XKR9: variants seen among roughly 807,000 people sequenced by gnomAD.
XKR9 encodes the protein XK-related protein 9.
In XKR9, 32 loss-of-function variants were observed where a neutral mutation model predicts 32.0. The observed-to-expected ratio is 1.00, with a 90% CI of 0.76 to 1.34. The LOEUF is 1.34. Ranked by LOEUF, XKR9 falls within the 40% of genes most tolerant of loss-of-function variation. The pLI is 0.00. For synonymous variants in XKR9, 168 were observed against 143.4 expected, an observed-to-expected ratio of 1.17 and a Z score of -1.22; for missense variants, 546 against 429.7, an observed-to-expected ratio of 1.27 and a Z score of -2.39.
At chr8:70,740,506 G>C (rs1362602459), downstream of XKR9, among the ~76,000 whole-genome samples, 1 of 152,148 alleles carries the variant, frequency 6.6e-6, no homozygotes, top group Admixed American at 6.5e-5. Context: ...TTCTGTTGCT[G>C]GTGAGGAACT....
the XKR9 span, among the ~76,000 whole-genome samples, chr8:70,806,677 G>A: frequency 1.7e-4 from 26 of 152,082 alleles, no homozygotes; most frequent in Admixed American, 7.2e-4. Context: ...AGAGTTTGAA[G>A]ACCACCTTGC....
At chr8:70,853,181 T>A in the XKR9 span, among the ~76,000 whole-genome samples, 1 of 152,070 alleles carries the variant, frequency 6.6e-6, no homozygotes, top group South Asian at 2.1e-4. Context: ...CACTTATTTG[T>A]GGGATCTAAA....
the XKR9 span, among the ~76,000 whole-genome samples, chr8:70,888,101 A>G: frequency 6.6e-6 from 1 of 151,952 alleles, no homozygotes; most frequent in Non-Finnish European, 1.5e-5. Flanking sequence ...CTCTTTTTTA[A>G]TATACAATAA....
At chr8:70,767,015 A>G (rs2130222512) in intron 2 of XKR9, among the ~76,000 whole-genome samples, 1 of 152,152 alleles carries the variant, frequency 6.6e-6, no homozygotes, top group South Asian at 2.1e-4. Context: ...TTTATTGAGG[A>G]TTTTTCACAT....
the XKR9 span, among the ~76,000 whole-genome samples, chr8:70,871,703 G>A: frequency 7.9e-5 from 12 of 152,066 alleles, no homozygotes; most frequent in East Asian, 2.3e-3. Context: ...TTGAAATTAG[G>A]CCACTTAATA....
the XKR9 span, among the ~76,000 whole-genome samples, chr8:71,050,270 G>GATATAGATATAGATATATATATAGAT: frequency 8.1e-6 from 1 of 123,710 alleles, no homozygotes; most frequent in African/African-American, 3.1e-5. Flanking sequence ...TAGATAGATA[G>GATATAGATATAGATATATATATAGAT]ATAGATATAG....
the XKR9 span, among the ~76,000 whole-genome samples, chr8:70,957,510 A>G: frequency 7.4e-4 from 112 of 152,222 alleles, no homozygotes; most frequent in Middle Eastern, 3.4e-3. Flanking sequence ...TCCATTAACT[A>G]TTCTTCCTGA....
downstream of XKR9, among the ~76,000 whole-genome samples, chr8:70,792,073 C>T (rs949044676): frequency 1.3e-5 from 2 of 152,056 alleles, no homozygotes; most frequent in East Asian, 3.9e-4. Flanking sequence ...GTTATTCGAT[C>T]TTCAGTGTTC....
chr8:70,711,321 A>G (rs1805912271), intron 4 of XKR9, among the ~76,000 whole-genome samples: 1 of 152,230 alleles, frequency 6.6e-6, no homozygotes, highest in Non-Finnish European at 1.5e-5. Flanking sequence ...AGATGCATGC[A>G]TGCAGATGTT....
the XKR9 span, among the ~76,000 whole-genome samples, chr8:70,859,400 A>G: frequency 6.6e-6 from 1 of 152,108 alleles, no homozygotes; most frequent in South Asian, 2.1e-4. Flanking sequence ...GAACCCTTAT[A>G]CACTATTGGT....
the XKR9 span, among the ~76,000 whole-genome samples, chr8:71,052,423 T>C: frequency 0.32 from 49,131 of 151,974 alleles, 9,186 homozygotes; most frequent in Non-Finnish European, 0.43. Context: ...GGAACTCTCC[T>C]CAGGGCACTT....
intron 2 of XKR9, among the ~76,000 whole-genome samples, chr8:70,675,135 A>G (rs1277894954): frequency 6.6e-6 from 1 of 152,170 alleles, no homozygotes; most frequent in Non-Finnish European, 1.5e-5. Context: ...GGTAATTTAT[A>G]AGAAACGAGG....
chr8:70,938,251 CAT>C, the XKR9 span, among the ~76,000 whole-genome samples: 18 of 151,612 alleles, frequency 1.2e-4, no homozygotes, highest in Admixed American at 2.6e-4. Context: ...AGTGTGTGTC[CAT>C]GTGTGTGTGT....
At chr8:70,878,046 T>C in the XKR9 span, among the ~76,000 whole-genome samples, 3 of 152,162 alleles carry the variant, frequency 2.0e-5, no homozygotes, top group East Asian at 5.8e-4. Context: ...CAGAATTTCA[T>C]AGCCAGCAAA....
intron 3 of XKR9, among the ~76,000 whole-genome samples, chr8:70,697,355 C>G (rs1430931990): frequency 2.0e-5 from 3 of 151,278 alleles, no homozygotes; most frequent in African/African-American, 7.3e-5. Context: ...TGAGATATGT[C>G]CCATCAATAC....
At chr8:70,873,907 G>A in the XKR9 span, among the ~76,000 whole-genome samples, 1 of 152,106 alleles carries the variant, frequency 6.6e-6, no homozygotes, top group Admixed American at 6.6e-5. Flanking sequence ...CAACTTCATT[G>A]TTGTCTTATT....
At chr8:70,702,654 CTTATA>C (rs1282582610) in intron 3 of XKR9, among the ~76,000 whole-genome samples, 1 of 152,078 alleles carries the variant, frequency 6.6e-6, no homozygotes. Context: ...TGAATTTATT[CTTATA>C]TTATTATGAC....
chr8:70,849,681 C>G, the XKR9 span, among the ~76,000 whole-genome samples: 7 of 152,078 alleles, frequency 4.6e-5, no homozygotes, highest in African/African-American at 1.7e-4. Flanking sequence ...AATCCAGGAG[C>G]TGGTTTCTTG....
At chr8:70,947,546 T>C in the XKR9 span, among the ~76,000 whole-genome samples, 2 of 152,254 alleles carry the variant, frequency 1.3e-5, no homozygotes, top group Non-Finnish European at 2.9e-5. Flanking sequence ...TATCTCTTCA[T>C]TCTTTTAAGA....
Sources: gnomAD v4.1 joint callset for allele counts (sites outside exome capture counted in the v4.1 genomes callset) on GRCh38, gnomAD v4.1.1 for gene constraint, MANE v1.5 for transcripts, NCBI Gene and HGNC (gene_info 2026-07-23, HGNC 2026-07-21) for gene names.